NODAL: variants seen among roughly 807,000 people sequenced by gnomAD.
NODAL encodes the protein nodal homolog.
In NODAL, 12 loss-of-function variants were observed where a neutral mutation model predicts 34.0. The observed-to-expected ratio is 0.35, with a 90% CI of 0.23 to 0.57. The LOEUF is 0.57. Among genes scored for constraint, NODAL ranks in the 20% least tolerant of loss-of-function variants. The pLI, the probability that NODAL is intolerant of heterozygous loss-of-function variation, is 0.83. For synonymous variants in NODAL, 162 were observed against 186.4 expected, an observed-to-expected ratio of 0.87 and a Z score of 1.07; for missense variants, 390 against 444.2, an observed-to-expected ratio of 0.88 and a Z score of 1.10.
chr10:70,433,128 T>C (rs1217362236), intron 2 of NODAL, 40 bp from the exon 3 acceptor site: 1 of 1,610,740 alleles, frequency 6.2e-7, no homozygotes, highest in African/African-American at 1.3e-5. Flanking sequence ...CACATCCTGA[T>C]GGGCAGGTCA....
At chr10:70,441,709 T>C, upstream of NODAL, 1 of 1,542,530 alleles carries the variant, frequency 6.5e-7, no homozygotes, top group Non-Finnish European at 8.8e-7. Context: ...CCAGCCCTTA[T>C]ATCCTGGGCC....
At chr10:70,438,299 A>G (rs1343000514) in intron 1 of NODAL, among the ~76,000 whole-genome samples, 1 of 152,186 alleles carries the variant, frequency 6.6e-6, no homozygotes, top group Non-Finnish European at 1.5e-5. Flanking sequence ...CTGTCTCGAA[A>G]AAAGAAAAAC....
rs1418001714 is a variant in NODAL at position 70,432,902 on chromosome 10, G to A, written c.*34C>T. 2 of 1,611,544 alleles carry A rather than the reference G, an allele frequency of 1.2e-6. No individual in the cohort carries two copies. The highest frequency in any genetic ancestry group is 1.7e-6 in the Non-Finnish European group (2 of 1,177,850). ...TCCAGGAGTTTCCCAGCCTTCCAGA[G>A]TGCAGGCAAATCCAGTCTCCCTCCA... On this transcript the variant is annotated 3_prime_UTR_variant, in exon 3 of 3. Transcript: ENST00000287139.
At chr10:70,445,760 T>C (rs1210184473), upstream of NODAL, among the ~76,000 whole-genome samples, 1 of 152,152 alleles carries the variant, frequency 6.6e-6, no homozygotes, top group East Asian at 1.9e-4. Flanking sequence ...GAAGGGTCAG[T>C]CTGCTTGTCA....
At chr10:70,433,205 A>G (rs996520048) in intron 2 of NODAL, 117 bp from the exon 3 acceptor site, 3 of 1,123,362 alleles carry the variant, frequency 2.7e-6, no homozygotes, top group Non-Finnish European at 2.7e-6. Flanking sequence ...GTGCAAAAAT[A>G]GCAGAAAATT....
In NODAL at chr10:70,432,284, C is replaced by T. The variant is rs1361515498; in HGVS notation, c.*652G>A. 1 of 156,706 alleles carries T rather than the reference C, an allele frequency of 6.4e-6. No homozygotes were observed. Among genetic ancestry groups the T allele is most frequent in the Non-Finnish European group, 1.4e-5 (1 of 70,700 alleles). The allele number at this position is 156,706 out of a possible 1,614,324, so 9.7% of individuals were successfully genotyped here. A position where few individuals can be genotyped will look rare whatever the true frequency, so the allele number is the denominator to read the frequency against. ...GGTCCTCTTGGATGAGTTCCTGCCT[C>T]TGCCTTCACAGGCACCAGCTGGCCC... On this transcript the variant is annotated 3_prime_UTR_variant, in exon 3 of 3. Transcript: ENST00000287139.
At position 70,437,003 on chromosome 10, in the gene NODAL, C is replaced by A. The variant is rs1459399820; in HGVS notation, c.194-1020G>T. ...ATCAGAGATCATCACCCAGAAGACACACACACCCAGCCCTGTTCCACACAC... is the reference window on the plus strand; with the variant it reads ...ATCAGAGATCATCACCCAGAAGACAAACACACCCAGCCCTGTTCCACACAC... On this transcript the variant is annotated intron_variant, in intron 1 of 2. Coordinates refer to ENST00000287139, the MANE Select transcript of NODAL (RefSeq NM_018055.5). Among the ~76,000 whole-genome samples the A allele has an allele frequency of 2.0e-5, 3 of 152,312 alleles. No individual in the cohort carries two copies. The East Asian group carries it at 5.8e-4, about 29-fold the overall frequency.
rs1414914299 is a variant in NODAL, at chr10:70,441,480, G to T, written c.188C>A (p.Ala63Glu). Residue 63 changes from alanine (A) to glutamate (E), a missense_variant, in exon 1 of 3, where the codon GCA (alanine) becomes GAA (glutamate). Physicochemically the swap from Ala to Glu is moderately radical, Grantham distance 107. Coordinates refer to ENST00000287139, the MANE Select transcript of NODAL (RefSeq NM_018055.5). ...PRADIIRSLQ[A>E]EDVAVDGQNW... ...CGGCACGCGGCACTGCCTACCTTCT[G>T]CCTGTAGGCTGCGGATGATGTCTGC... is the stretch of plus-strand genomic sequence containing the variant. 1.9e-6 allele frequency: 3 copies of T among 1,581,806 alleles called. No individual in the cohort carries two copies. Among genetic ancestry groups the T allele is most frequent in the Non-Finnish European group, 1.7e-6 (2 of 1,166,118 alleles).
At chr10:70,442,832 T>G (rs1427694744), upstream of NODAL, among the ~76,000 whole-genome samples, 4 of 152,016 alleles carry the variant, frequency 2.6e-5, no homozygotes, top group Admixed American at 2.6e-4. Context: ...ACCTGTAATT[T>G]CAGCACTTAG....
At chr10:70,441,402 C>T (rs1052238207) in intron 1 of NODAL, 73 bp downstream of exon 1, 5 of 1,503,778 alleles carry the variant, frequency 3.3e-6, no homozygotes, top group Admixed American at 2.0e-5. Flanking sequence ...CAGCACTTCC[C>T]GAGTCCGCTG....
upstream of NODAL, among the ~76,000 whole-genome samples, chr10:70,445,916 C>T (rs1845483841): frequency 6.6e-6 from 1 of 152,144 alleles, no homozygotes; most frequent in African/African-American, 2.4e-5. Flanking sequence ...GCTTAGAGCC[C>T]TGTGGAGGCC....
At chr10:70,434,656 C>T (rs563091285) in intron 2 of NODAL, among the ~76,000 whole-genome samples, 1 of 152,234 alleles carries the variant, frequency 6.6e-6, no homozygotes, top group South Asian at 2.1e-4. Flanking sequence ...TGCCACCGCA[C>T]CTGGCTGGCC....
chr10:70,438,757 G>A (rs926174600), intron 1 of NODAL, among the ~76,000 whole-genome samples: 2 of 152,178 alleles, frequency 1.3e-5, no homozygotes, highest in African/African-American at 4.8e-5. Flanking sequence ...TTCTCCCACT[G>A]CTGCCAGGGT....
intron 1 of NODAL, among the ~76,000 whole-genome samples, chr10:70,447,761 AC>A (rs34717077): frequency 0.88 from 133,782 of 152,066 alleles, 59,276 homozygotes; most frequent in Middle Eastern, 0.94. Flanking sequence ...CCACCAGCCT[AC>A]CAGATTGTGA....
At chr10:70,441,780 C>CCCCA, upstream of NODAL, 8 of 1,153,660 alleles carry the variant, frequency 6.9e-6, no homozygotes, top group Non-Finnish European at 9.9e-6. Context: ...TCATATAACC[C>CCCCA]CCCTCCGGAG....
rs964173400 is a variant in NODAL at position 70,435,524 on chromosome 10, C to A, written c.653G>T (p.Ser218Ile). ...CTGTCCCTCCTGGGCCCGCCAGGAG[C>A]TCTCGGCTTCCCACAGCAAGGTGGA... ...GGSTLLWEAE[S>I]SWRAQEGQLS... The change falls in exon 2 of 3, where the codon AGC becomes ATC. Residue 218 changes from serine to isoleucine, a missense_variant. Physicochemically the swap from Ser to Ile is moderately radical, Grantham distance 142. Coordinates refer to ENST00000287139, the MANE Select transcript of NODAL (RefSeq NM_018055.5). 1.9e-6 allele frequency: 3 copies of A among 1,614,004 alleles called. No individual in the cohort carries two copies. The highest frequency in any genetic ancestry group is 2.7e-5 in the African/African-American group (2 of 74,934).
At chr10:70,439,712 C>A (rs1845404594) in intron 1 of NODAL, among the ~76,000 whole-genome samples, 1 of 152,226 alleles carries the variant, frequency 6.6e-6, no homozygotes, top group African/African-American at 2.4e-5. Context: ...TCCAGGCGGG[C>A]TCTTCCCACT....
In NODAL at chr10:70,432,737, GA is replaced by G; in HGVS notation, c.*198del. The stretch of plus-strand genomic sequence containing the variant: ...CACAGGCTTCTTCCTCCCTCTTCCT[GA>G]CAGCAGCCTCTGTGCTTGGCCAGAC... On this transcript the variant is annotated 3_prime_UTR_variant, in exon 3 of 3. Transcript: ENST00000287139. The G allele has an allele frequency of 1.6e-6, 1 of 636,426 alleles. No individual in the cohort carries two copies. The allele number at this position is 636,426 out of a possible 1,614,324, so 39.4% of individuals were successfully genotyped here. A position where few individuals can be genotyped will look rare whatever the true frequency, so the allele number is the denominator to read the frequency against.
intron 1 of NODAL, among the ~76,000 whole-genome samples, chr10:70,439,369 G>A (rs567496769): frequency 8.1e-4 from 124 of 152,192 alleles, no homozygotes; most frequent in Non-Finnish European, 1.4e-3. Flanking sequence ...CGACACCGCC[G>A]TCCCCAGACA....
Sources: allele counts gnomAD v4.1 joint callset (sites outside exome capture counted in the v4.1 genomes callset), GRCh38; gene constraint gnomAD v4.1.1; transcripts MANE v1.5; gene names NCBI Gene and HGNC (gene_info 2026-07-23, HGNC 2026-07-21).